NBAS: variants seen among roughly 807,000 people sequenced by gnomAD.
NBAS encodes the protein NBAS subunit of NRZ tethering complex, also known as NAG/BC035112 fusion.
NBAS carries 219 observed loss-of-function variants against 302.5 expected under a neutral mutation model. The ratio of observed to expected loss-of-function variants is 0.72; its 90% CI spans 0.65 to 0.81. The LOEUF is 0.81. Ranked by LOEUF, NBAS falls within the 30% of genes least tolerant of loss-of-function variation. The pLI, the probability that NBAS is intolerant of heterozygous loss-of-function variation, is 0.00. For missense variants in NBAS, 2,932 were observed against 2,841.6 expected (o/e 1.03, Z -0.72); for synonymous variants, 1,118 against 1,021.6 (o/e 1.09, Z -1.80).
chr2:15,110,603 G>A, the NBAS span, among the ~76,000 whole-genome samples: 1 of 152,118 alleles, frequency 6.6e-6, no homozygotes, highest in South Asian at 2.1e-4. Flanking sequence ...CCAAATAGTG[G>A]AATCCTCAGA....
the NBAS span, among the ~76,000 whole-genome samples, chr2:14,949,779 A>C: frequency 6.6e-6 from 1 of 152,290 alleles, no homozygotes; most frequent in Admixed American, 6.5e-5. Context: ...TTGTTAAGAG[A>C]AATAAGCCAA....
At chr2:14,783,820 C>A in the NBAS span, among the ~76,000 whole-genome samples, 70 of 151,954 alleles carry the variant, frequency 4.6e-4, no homozygotes, top group African/African-American at 1.5e-3. Context: ...ATTTATAGTC[C>A]TTTGGGTATA....
At chr2:15,103,549 T>G in the NBAS span, among the ~76,000 whole-genome samples, 3 of 152,178 alleles carry the variant, frequency 2.0e-5, no homozygotes, top group Non-Finnish European at 4.4e-5. Context: ...CCCACTACTA[T>G]ATTGTAAGTT....
intron 40 of NBAS, among the ~76,000 whole-genome samples, chr2:15,299,585 T>A (rs552587229): frequency 1.3e-5 from 2 of 152,350 alleles, no homozygotes; most frequent in South Asian, 4.1e-4. Context: ...AGAAATAGTC[T>A]ACCATAAAAT....
intron 50 of NBAS, chr2:15,179,418 C>A: frequency 3.0e-6 from 1 of 338,528 alleles, no homozygotes; most frequent in Non-Finnish European, 5.6e-6. Context: ...ACTCTCACAG[C>A]CCTAATTTCC....
At chr2:15,097,127 A>G in the NBAS span, among the ~76,000 whole-genome samples, 2 of 152,054 alleles carry the variant, frequency 1.3e-5, no homozygotes, top group Admixed American at 6.5e-5. Flanking sequence ...GAGGGAGCTG[A>G]GGTATTTATG....
chr2:15,122,455 C>G, the NBAS span, among the ~76,000 whole-genome samples: 9 of 152,282 alleles, frequency 5.9e-5, no homozygotes, highest in Admixed American at 2.0e-4. Context: ...TGAGCAAAAA[C>G]TCGCTCATCA....
the NBAS span, among the ~76,000 whole-genome samples, chr2:15,088,172 G>A: frequency 6.6e-6 from 1 of 152,130 alleles, no homozygotes; most frequent in East Asian, 1.9e-4. Flanking sequence ...CATGAGCAGA[G>A]GGTCATGGTT....
At chr2:14,946,878 A>C in the NBAS span, among the ~76,000 whole-genome samples, 1 of 152,216 alleles carries the variant, frequency 6.6e-6, no homozygotes, top group Non-Finnish European at 1.5e-5. Flanking sequence ...GAAACCTCAG[A>C]AACTTCACAT....
the NBAS span, among the ~76,000 whole-genome samples, chr2:15,017,160 C>T: frequency 6.6e-6 from 1 of 152,052 alleles, no homozygotes; most frequent in Non-Finnish European, 1.5e-5. Flanking sequence ...ATACAAAAAT[C>T]ATCTCCAAAT....
chr2:15,160,063 TTTGA>T, the NBAS span, among the ~76,000 whole-genome samples: 9 of 152,336 alleles, frequency 5.9e-5, no homozygotes, highest in African/African-American at 2.2e-4. Context: ...TGTAAAAGGC[TTTGA>T]TTATCATGCT....
intron 9 of NBAS, among the ~76,000 whole-genome samples, chr2:15,512,643 T>C (rs114051455): frequency 0.014 from 2,088 of 152,220 alleles, 30 homozygotes; most frequent in Non-Finnish European, 0.019. Flanking sequence ...TAATGTAATG[T>C]GACACTCACC....
chr2:14,883,678 C>A, the NBAS span, among the ~76,000 whole-genome samples: 4 of 152,080 alleles, frequency 2.6e-5, no homozygotes, highest in East Asian at 7.7e-4. Flanking sequence ...CCTCCTCCCC[C>A]AGAAATGACT....
rs35617829 is a variant in NBAS, at chr2:15,237,560, A to ATATTTATT, written c.5943+900_5943+907dup. Among the ~76,000 whole-genome samples, 353 of 139,954 alleles carry ATATTTATT rather than the reference A, an allele frequency of 2.5e-3. 1 individual carries two copies. The highest frequency in any genetic ancestry group is 0.011 in the Middle Eastern group (3 of 276). 91.8% of individuals were successfully genotyped at this position (139,954 alleles called of 152,430 possible). A position where few individuals can be genotyped will look rare whatever the true frequency, so the allele number is the denominator to read the frequency against. Reference sequence around the variant, plus strand: ...AATTAGGAGGGAAAAGAAAATCAAAATATTTATTTATTTATTTATTTATTT... The same window carrying ATATTTATT: ...AATTAGGAGGGAAAAGAAAATCAAAATATTTATTTATTTATTTATTTATTTATTTATTT... On this transcript the variant is annotated intron_variant, in intron 45 of 51. Transcript: ENST00000281513.
At chr2:15,495,291 A>G (rs1473983552) in intron 11 of NBAS, among the ~76,000 whole-genome samples, 1 of 152,188 alleles carries the variant, frequency 6.6e-6, no homozygotes, top group Non-Finnish European at 1.5e-5. Flanking sequence ...AGAAGGCACT[A>G]CCACCTATAC....
At chr2:15,015,763 A>G in the NBAS span, among the ~76,000 whole-genome samples, 2 of 152,188 alleles carry the variant, frequency 1.3e-5, no homozygotes, top group East Asian at 3.8e-4. Context: ...ACTCTTATTC[A>G]ACATAGTACT....
the NBAS span, among the ~76,000 whole-genome samples, chr2:14,915,621 G>C: frequency 2.0e-5 from 3 of 152,100 alleles, no homozygotes; most frequent in Non-Finnish European, 4.4e-5. Flanking sequence ...GGAGTACAGT[G>C]GCGTAATCTT....
the NBAS span, among the ~76,000 whole-genome samples, chr2:14,810,341 G>A: frequency 1.3e-5 from 2 of 152,158 alleles, no homozygotes; most frequent in African/African-American, 4.8e-5. Flanking sequence ...ATCGAATCAT[G>A]GGGGCAGGTC....
At chr2:15,536,701 C>T in intron 7 of NBAS, 150 bp from the exon 8 acceptor site, 1 of 787,078 alleles carries the variant, frequency 1.3e-6, no homozygotes, top group Non-Finnish European at 2.0e-6. Context: ...AAGAATCATG[C>T]AAGTCAGAAT....
Sources: gnomAD v4.1 joint callset for allele counts (sites outside exome capture counted in the v4.1 genomes callset) on GRCh38, gnomAD v4.1.1 for gene constraint, MANE v1.5 for transcripts, NCBI Gene and HGNC (gene_info 2026-07-23, HGNC 2026-07-21) for gene names.